MAGI2: variants seen among roughly 807,000 people sequenced by gnomAD.
MAGI2 encodes the protein membrane associated guanylate kinase, WW and PDZ domain containing 2, also known as membrane-associated guanylate kinase, WW and PDZ domain-containing protein 2.
A neutral mutation model predicts 133.3 loss-of-function variants in MAGI2; 35 were observed. The ratio of observed to expected loss-of-function variants is 0.26; its 90% CI spans 0.20 to 0.35. The LOEUF (loss-of-function observed/expected upper bound fraction) is 0.35. MAGI2 is among the 10% of genes least tolerant of loss of function. MAGI2 has a pLI of 1.00. For missense variants in MAGI2, 1,636 were observed against 1,863.4 expected (o/e 0.88, Z 2.25); for synonymous variants, 729 against 710.6 (o/e 1.03, Z -0.41).
intron 9 of MAGI2, among the ~76,000 whole-genome samples, chr7:78,290,118 T>C (rs1408709442): frequency 6.6e-6 from 1 of 152,168 alleles, no homozygotes; most frequent in Admixed American, 6.5e-5. Context: ...TAACCTTAAA[T>C]GTAAACGAAC....
chr7:79,435,646 G>A (rs1219678520), intron 1 of MAGI2, among the ~76,000 whole-genome samples: 1 of 152,082 alleles, frequency 6.6e-6, no homozygotes, highest in Non-Finnish European at 1.5e-5. Context: ...CCATGCTCGT[G>A]AATTGGCAGA....
At chr7:78,469,137 C>T (rs188266677) in intron 6 of MAGI2, among the ~76,000 whole-genome samples, 19 of 152,190 alleles carry the variant, frequency 1.2e-4, no homozygotes. Flanking sequence ...TGACACCTTA[C>T]ACAAATATGT....
At chr7:78,633,100 A>C (rs962571436) in intron 2 of MAGI2, among the ~76,000 whole-genome samples, 1 of 152,238 alleles carries the variant, frequency 6.6e-6, no homozygotes. Context: ...GGGAACATGG[A>C]TGGAGCTGGA....
intron 1 of MAGI2, among the ~76,000 whole-genome samples, chr7:79,398,792 T>G (rs1158177076): frequency 6.6e-6 from 1 of 151,828 alleles, no homozygotes; most frequent in African/African-American, 2.4e-5. Flanking sequence ...TTTCTTAAAC[T>G]AATTATTCTT....
chr7:78,644,285 A>C (rs1810613296), intron 2 of MAGI2, among the ~76,000 whole-genome samples: 1 of 152,156 alleles, frequency 6.6e-6, no homozygotes, highest in South Asian at 2.1e-4. Context: ...GAAAATTAGT[A>C]AAGTTATAGA....
At chr7:78,498,813 G>A (rs2150517716) in intron 5 of MAGI2, among the ~76,000 whole-genome samples, 1 of 152,204 alleles carries the variant, frequency 6.6e-6, no homozygotes, top group East Asian at 1.9e-4. Flanking sequence ...AGGAACCTTA[G>A]CAGGCGTCGT....
chr7:78,096,202 T>C (rs1291920725), intron 20 of MAGI2, among the ~76,000 whole-genome samples: 3 of 152,216 alleles, frequency 2.0e-5, no homozygotes, highest in African/African-American at 4.8e-5. Flanking sequence ...GTAGCAATGG[T>C]AGCAATGTTA....
intron 4 of MAGI2, among the ~76,000 whole-genome samples, chr7:78,504,915 G>A (rs1794950741): frequency 6.6e-6 from 1 of 152,056 alleles, no homozygotes; most frequent in African/African-American, 2.4e-5. Context: ...AAGCTGCAGA[G>A]AAATGTATAG....
intron 2 of MAGI2, among the ~76,000 whole-genome samples, chr7:78,740,287 T>C (rs1320490455): frequency 2.6e-5 from 4 of 152,212 alleles, no homozygotes; most frequent in Non-Finnish European, 5.9e-5. Flanking sequence ...TGCCATTTGG[T>C]TAAAATTGAT....
chr7:78,035,623 A>T (rs1164484965), intron 21 of MAGI2, among the ~76,000 whole-genome samples: 1 of 152,122 alleles, frequency 6.6e-6, no homozygotes, highest in Admixed American at 6.5e-5. Flanking sequence ...TGTTTCCTTA[A>T]AGTGAGATGT....
At chr7:79,080,836 C>T (rs780730439) in intron 1 of MAGI2, among the ~76,000 whole-genome samples, 21 of 152,210 alleles carry the variant, frequency 1.4e-4, no homozygotes, top group Non-Finnish European at 2.4e-4. Context: ...CCACACTGGT[C>T]CACGCTGTGT....
chr7:78,805,256 TA>T (rs201941126), intron 2 of MAGI2, among the ~76,000 whole-genome samples: 3,029 of 121,350 alleles, frequency 0.025, 69 homozygotes, highest in African/African-American at 0.069. Context: ...GAAGGAAGAG[TA>T]AAAAAAAAAA....
At chr7:79,162,357 C>T (rs1824452783) in intron 1 of MAGI2, among the ~76,000 whole-genome samples, 1 of 151,984 alleles carries the variant, frequency 6.6e-6, no homozygotes, top group African/African-American at 2.4e-5. Flanking sequence ...ATTTGGCATC[C>T]CACTGGGCCT....
chr7:78,636,407 T>G (rs956823077), intron 2 of MAGI2, among the ~76,000 whole-genome samples: 3 of 148,052 alleles, frequency 2.0e-5, no homozygotes, highest in African/African-American at 5.0e-5. Context: ...GATATAAAGG[T>G]TCAAAATAGT....
intron 10 of MAGI2, among the ~76,000 whole-genome samples, chr7:78,231,299 A>G (rs1789942835): frequency 6.6e-6 from 1 of 152,238 alleles, no homozygotes; most frequent in African/African-American, 2.4e-5. Flanking sequence ...AGAAAGGGTC[A>G]GAGTATTCCT....
intron 2 of MAGI2, among the ~76,000 whole-genome samples, chr7:78,934,956 C>T (rs1800408940): frequency 6.6e-6 from 1 of 152,098 alleles, no homozygotes; most frequent in Non-Finnish European, 1.5e-5. Context: ...TGCCAAAGTA[C>T]ATAGTTTTAA....
intron 7 of MAGI2, chr7:78,358,393 T>G (rs6977674): frequency 6.6e-6 from 1 of 151,298 alleles, no homozygotes; most frequent in Non-Finnish European, 1.5e-5. Context: ...AACTGGTGGT[T>G]GAGCACCACG....
intron 9 of MAGI2, among the ~76,000 whole-genome samples, chr7:78,275,277 C>A (rs1224610675): frequency 6.6e-6 from 1 of 152,154 alleles, no homozygotes; most frequent in Non-Finnish European, 1.5e-5. Context: ...TGGGCTGCAC[C>A]CACTGTCCAA....
At chr7:78,060,863 G>T in intron 21 of MAGI2, among the ~76,000 whole-genome samples, 1 of 152,118 alleles carries the variant, frequency 6.6e-6, no homozygotes, top group South Asian at 2.1e-4. Context: ...CGGATGGCTT[G>T]GGGATGCACT....
Sources: allele counts gnomAD v4.1 joint callset (sites outside exome capture counted in the v4.1 genomes callset), GRCh38; gene constraint gnomAD v4.1.1; transcripts MANE v1.5; gene names NCBI Gene and HGNC (gene_info 2026-07-23, HGNC 2026-07-21).